UPF2: variants seen among roughly 807,000 people sequenced by gnomAD.
UPF2 encodes the protein UPF2 regulator of nonsense mediated mRNA decay, also known as regulator of nonsense transcripts 2.
In UPF2, 17 loss-of-function variants were observed where a neutral mutation model predicts 141.4. That is an observed-to-expected ratio of 0.12 (90% CI 0.08 to 0.18). UPF2 has a LOEUF of 0.18. UPF2 is among the 10% of genes least tolerant of loss of function. UPF2 has a pLI of 1.00. For missense variants in UPF2, 1,152 were observed against 1,515.9 expected, an observed-to-expected ratio of 0.76 and a Z score of 3.99; for synonymous variants, 540 against 498.0, an observed-to-expected ratio of 1.08 and a Z score of -1.12.
At position 12,016,601 on chromosome 10, in the gene UPF2, G is replaced by C. The variant is rs558052237; in HGVS notation, c.1146-2417C>G. On this transcript the variant is annotated intron_variant, in intron 3 of 21. Coordinates refer to ENST00000357604, the MANE Select transcript of UPF2 (RefSeq NM_015542.4). This position sits in a 1 kb window ranked among gnomAD's most constrained non-coding sequence, Gnocchi z 4.1. The stretch of plus-strand genomic sequence containing the variant: ...CCCAGCTACTTGGGAGGCTAAGCCA[G>C]GAGAATCACTTGAACCCGGGAGGCA... Among the ~76,000 whole-genome samples the C allele has an allele frequency of 2.6e-5, 4 of 152,106 alleles. No individual in the cohort carries two copies. The South Asian group carries it at 8.3e-4, about 32-fold the overall frequency.
intron 8 of UPF2, among the ~76,000 whole-genome samples, chr10:11,995,176 T>A (rs55927248): frequency 0.051 from 7,687 of 151,914 alleles, 282 homozygotes; most frequent in Non-Finnish European, 0.078. Context: ...GACTTAAAGG[T>A]GAGTCAAAGA....
At chr10:11,942,167 A>G (rs1454034625) in intron 18 of UPF2, among the ~76,000 whole-genome samples, 1 of 152,182 alleles carries the variant, frequency 6.6e-6, no homozygotes, top group African/African-American at 2.4e-5. Context: ...TGAGGTCAGG[A>G]GGTCGAGACC....
intron 16 of UPF2, 121 bp from the exon 17 acceptor site, chr10:11,943,289 T>C (rs1832959484): frequency 4.5e-6 from 4 of 887,108 alleles, no homozygotes; most frequent in South Asian, 3.5e-5. Context: ...TTTAGCTCTT[T>C]AGGTAGTTGG....
chr10:11,945,902 A>AATT (rs2131175476), intron 16 of UPF2, among the ~76,000 whole-genome samples: 1 of 152,312 alleles, frequency 6.6e-6, no homozygotes, highest in African/African-American at 2.4e-5. Flanking sequence ...TGTTGTTATA[A>AATT]AATACTTAAT....
intron 6 of UPF2, 134 bp downstream of exon 6, chr10:12,001,542 G>A (rs1833952447): frequency 1.3e-5 from 11 of 842,292 alleles, no homozygotes; most frequent in Non-Finnish European, 1.9e-5. Context: ...TCTGAAAACA[G>A]TGATGGACTG....
intron 9 of UPF2, among the ~76,000 whole-genome samples, chr10:11,970,742 G>C (rs996703268): frequency 1.3e-5 from 2 of 152,132 alleles, no homozygotes; most frequent in South Asian, 4.1e-4. Flanking sequence ...AACCTGGGAC[G>C]GGGAGGTTGC....
At chr10:12,003,979 C>T (rs993534218) in intron 5 of UPF2, among the ~76,000 whole-genome samples, 1 of 147,812 alleles carries the variant, frequency 6.8e-6, no homozygotes. Context: ...TACAGGGCAA[C>T]CAGGTAGGAG....
chr10:12,008,692 T>C (rs1355096585), intron 4 of UPF2, among the ~76,000 whole-genome samples: 1 of 152,044 alleles, frequency 6.6e-6, no homozygotes, highest in Non-Finnish European at 1.5e-5. Context: ...TGTAAATTTT[T>C]TTTTTTAAGT....
chr10:11,995,215 A>C (rs1833846890), intron 8 of UPF2, among the ~76,000 whole-genome samples: 1 of 152,206 alleles, frequency 6.6e-6, no homozygotes, highest in South Asian at 2.1e-4. Context: ...AGGACATCCC[A>C]GATAAAAGCA....
At chr10:11,981,093 G>A (rs897359982) in intron 8 of UPF2, among the ~76,000 whole-genome samples, 6 of 152,126 alleles carry the variant, frequency 3.9e-5, no homozygotes, top group African/African-American at 1.2e-4. Flanking sequence ...GGCCTGGGAG[G>A]TGGAGGTTGC....
chr10:11,985,030 G>A (rs889339486), intron 8 of UPF2, among the ~76,000 whole-genome samples: 3 of 152,170 alleles, frequency 2.0e-5, no homozygotes, highest in African/African-American at 7.2e-5. Context: ...GCATTTTAAA[G>A]CAAGACAGTT....
chr10:11,961,593 C>T (rs1475456855), intron 11 of UPF2, among the ~76,000 whole-genome samples: 2 of 151,948 alleles, frequency 1.3e-5, no homozygotes, highest in African/African-American at 4.8e-5. Flanking sequence ...AGATCACTGA[C>T]AAGCTTCAAG....
intron 16 of UPF2, among the ~76,000 whole-genome samples, chr10:11,946,092 A>G (rs569308335): frequency 6.6e-6 from 1 of 152,222 alleles, no homozygotes; most frequent in African/African-American, 2.4e-5. Flanking sequence ...GTGGTAGCAA[A>G]TAACATAAAT....
chr10:11,971,654 C>A (rs1359283444), intron 9 of UPF2, among the ~76,000 whole-genome samples: 1 of 152,164 alleles, frequency 6.6e-6, no homozygotes, highest in African/African-American at 2.4e-5. Context: ...TCAATAATGC[C>A]TCTTGTAAGA....
At chr10:12,015,389 A>T (rs575756767) in intron 3 of UPF2, among the ~76,000 whole-genome samples, 1 of 152,316 alleles carries the variant, frequency 6.6e-6, no homozygotes, top group South Asian at 2.1e-4. Flanking sequence ...TTCTACTCAC[A>T]TAAGCTTTTG....
chr10:11,936,482 T>G lies in UPF2; in HGVS notation c.3546+63A>C. ...CCCTTATCCCCTTGTAGGTCAAAGA[T>G]AAGTTAAAACCTAACTGTATAACTC... On this transcript the variant is annotated intron_variant, in intron 19 of 21. Transcript: ENST00000357604. This position sits in a 1 kb window ranked among gnomAD's most constrained non-coding sequence, Gnocchi z 6.6. 1 of 1,486,152 alleles carries G rather than the reference T, an allele frequency of 6.7e-7. No homozygotes were observed. Among genetic ancestry groups the G allele is most frequent in the Non-Finnish European group, 9.0e-7 (1 of 1,112,812 alleles). The allele number at this position is 1,486,152 out of a possible 1,614,324, so 92.1% of individuals were successfully genotyped here.
rs1393427504 is a variant in UPF2 at position 12,001,839 on chromosome 10, AACAAGTAT to A, written c.1505-22_1505-15del. 9.5e-6 allele frequency: 15 copies of A among 1,576,726 alleles called. No homozygotes were observed. Among genetic ancestry groups the A allele is most frequent in the Non-Finnish European group, 1.3e-5 (15 of 1,164,418 alleles). Reference sequence around the variant, plus strand: ...ATTCTTTTGCCTCTGTTGAAAAACAAACAAGTATACCTAAATTCAAAGTCATATGAAAA... The same window carrying A: ...ATTCTTTTGCCTCTGTTGAAAAACAAACCTAAATTCAAAGTCATATGAAAA... On this transcript the variant is annotated splice_polypyrimidine_tract_variant and intron_variant, in intron 5 of 21. Transcript: ENST00000357604.
intron 2 of UPF2, among the ~76,000 whole-genome samples, chr10:12,034,340 T>G (rs1359550306): frequency 1.3e-5 from 2 of 148,874 alleles, no homozygotes; most frequent in Non-Finnish European, 3.0e-5. Flanking sequence ...TTTTTTTTTT[T>G]GAGATGCAGT....
rs78691731 is a variant in UPF2, at chr10:11,939,676, G to T, written c.3379-2964C>A. On this transcript the variant is annotated intron_variant, in intron 18 of 21. Transcript: ENST00000357604. This position sits in a 1 kb window ranked among gnomAD's most constrained non-coding sequence, Gnocchi z 4.8. Reference sequence around the variant, plus strand: ...ATTACAGGCGCCTGCCACCATGCCTGGCTAATTTTTTTGTATTTTTAGTAG... The same window carrying T: ...ATTACAGGCGCCTGCCACCATGCCTTGCTAATTTTTTTGTATTTTTAGTAG... Among the ~76,000 whole-genome samples, 321 of 151,996 alleles carry T rather than the reference G, an allele frequency of 2.1e-3. 2 individuals carry two copies. The highest frequency in any genetic ancestry group is 7.5e-3 in the African/African-American group (311 of 41,434).
Sources: allele counts gnomAD v4.1 joint callset (sites outside exome capture counted in the v4.1 genomes callset), GRCh38; gene constraint gnomAD v4.1.1; non-coding constraint Gnocchi (gnomAD v3.1); transcripts MANE v1.5; gene names NCBI Gene and HGNC (gene_info 2026-07-23, HGNC 2026-07-21).